TSHR: variants seen among roughly 807,000 people sequenced by gnomAD.
The protein encoded by TSHR is thyroid stimulating hormone receptor.
A neutral mutation model predicts 64.1 loss-of-function variants in TSHR; 51 were observed. The ratio of observed to expected loss-of-function variants is 0.80; its 90% CI spans 0.64 to 1.01. The LOEUF (loss-of-function observed/expected upper bound fraction) is 1.01. Ranked by LOEUF, TSHR falls within the 50% of genes least tolerant of loss-of-function variation. The pLI is 0.00. For missense variants in TSHR, 877 were observed against 942.8 expected, an observed-to-expected ratio of 0.93 and a Z score of 0.91; for synonymous variants, 361 against 361.9, an observed-to-expected ratio of 1.00 and a Z score of 0.03.
chr14:81,103,651 C>T lies in TSHR; in HGVS notation c.615-4724C>T, dbSNP rs1425108614. The T allele has an allele frequency of 1.0e-6, 1 of 985,332 alleles. No individual in the cohort carries two copies. Among genetic ancestry groups the T allele is most frequent in the East Asian group, 1.1e-4 (1 of 8,828 alleles). The allele number at this position is 985,332 out of a possible 1,614,324, so 61.0% of individuals were successfully genotyped here. On this transcript the variant is annotated intron_variant, in intron 7 of 9. Transcript: ENST00000298171. This position sits in a 1 kb window ranked among gnomAD's most constrained non-coding sequence, Gnocchi z 4.1. Reference sequence around the variant, plus strand: ...TATGGCGCCAAGAATGTTGTCATCACTCAGAGGTGAAATTAATAATAATAC... The same window carrying T: ...TATGGCGCCAAGAATGTTGTCATCATTCAGAGGTGAAATTAATAATAATAC...
At chr14:81,142,253 G>T (rs1045057769) in intron 9 of TSHR, among the ~76,000 whole-genome samples, 1 of 152,118 alleles carries the variant, frequency 6.6e-6, no homozygotes, top group Non-Finnish European at 1.5e-5. Flanking sequence ...GCTAATTTTT[G>T]GATTTTCAGT....
chr14:81,041,001 A>C, intron 1 of TSHR, among the ~76,000 whole-genome samples: 1 of 152,306 alleles, frequency 6.6e-6, no homozygotes, highest in East Asian at 1.9e-4. Context: ...ATTATTAAAA[A>C]GTAAAAAAAT....
intron 1 of TSHR, among the ~76,000 whole-genome samples, chr14:81,002,136 G>A (rs1889356639): frequency 2.0e-5 from 3 of 152,234 alleles, no homozygotes; most frequent in Middle Eastern, 3.4e-3. Flanking sequence ...TTGTTTTAAA[G>A]TACAGCCCCA....
chr14:81,037,424 C>CAAAAA (rs1884691823), intron 1 of TSHR, among the ~76,000 whole-genome samples: 1 of 114,234 alleles, frequency 8.8e-6, no homozygotes, highest in Non-Finnish European at 1.8e-5. Flanking sequence ...AAATACAAAA[C>CAAAAA]AAACAAACAA....
chr14:81,018,085 C>T (rs1198443385), intron 1 of TSHR, among the ~76,000 whole-genome samples: 2 of 152,110 alleles, frequency 1.3e-5, no homozygotes, highest in East Asian at 3.9e-4. Flanking sequence ...CCTACCTCGG[C>T]ATCCCAAAGT....
intron 1 of TSHR, among the ~76,000 whole-genome samples, chr14:81,005,197 T>TTGTGTGTGTGTGTGTGTGTG (rs71103894): frequency 6.7e-6 from 1 of 149,790 alleles, no homozygotes; most frequent in Non-Finnish European, 1.5e-5. Context: ...ACTCAAGCCT[T>TTGTGTGTGTGTGTGTGTGTG]TGTGTGTGTG....
intron 1 of TSHR, chr14:81,051,449 C>T (rs979496551): frequency 2.0e-5 from 3 of 152,088 alleles, no homozygotes; most frequent in African/African-American, 7.2e-5. Flanking sequence ...AGAATGATGA[C>T]TCTTTTCCAG....
chr14:81,016,016 A>G (rs1890166023), intron 1 of TSHR, among the ~76,000 whole-genome samples: 1 of 152,194 alleles, frequency 6.6e-6, no homozygotes, highest in Non-Finnish European at 1.5e-5. Flanking sequence ...AAAAAAATCC[A>G]TTCATGTGTA....
intron 5 of TSHR, among the ~76,000 whole-genome samples, chr14:81,091,480 G>A (rs1888732140): frequency 6.6e-6 from 1 of 152,198 alleles, no homozygotes. Flanking sequence ...AAATAGCTCA[G>A]TAATTGCAAG....
At chr14:80,980,301 C>T (rs1000379095) in intron 1 of TSHR, among the ~76,000 whole-genome samples, 6 of 152,112 alleles carry the variant, frequency 3.9e-5, no homozygotes, top group African/African-American at 1.4e-4. Context: ...AATAGCAACA[C>T]AGATAACTAT....
chr14:81,091,221 G>C, intron 5 of TSHR, 78 bp downstream of exon 5: 1 of 1,295,764 alleles, frequency 7.7e-7, no homozygotes, highest in South Asian at 1.2e-5. Flanking sequence ...ATGAGGGTAG[G>C]TTGAAGATAA....
intron 9 of TSHR, among the ~76,000 whole-genome samples, chr14:81,140,263 T>C (rs1891632117): frequency 6.6e-6 from 1 of 152,112 alleles, no homozygotes; most frequent in South Asian, 2.1e-4. Flanking sequence ...ACACAAACAG[T>C]TGGGTTACCT....
chr14:81,014,626 G>C (rs1418198474), intron 1 of TSHR, among the ~76,000 whole-genome samples: 1 of 152,128 alleles, frequency 6.6e-6, no homozygotes, highest in Non-Finnish European at 1.5e-5. Context: ...TGCCTTGTTT[G>C]CCACAATTTC....
intron 1 of TSHR, among the ~76,000 whole-genome samples, chr14:80,965,505 T>C (rs1387631521): frequency 6.6e-6 from 1 of 152,180 alleles, no homozygotes; most frequent in African/African-American, 2.4e-5. Flanking sequence ...AAGTCAATAG[T>C]TGACAGATTT....
chr14:81,078,270 T>G (rs1177588997), intron 3 of TSHR, among the ~76,000 whole-genome samples: 1 of 152,186 alleles, frequency 6.6e-6, no homozygotes, highest in East Asian at 1.9e-4. Flanking sequence ...ACCTTAATAT[T>G]TGAAAAACAC....
intron 8 of TSHR, among the ~76,000 whole-genome samples, chr14:81,111,894 T>C (rs10146811): frequency 0.58 from 88,100 of 152,094 alleles, 26,440 homozygotes; most frequent in Middle Eastern, 0.71. Context: ...GCAATCATAT[T>C]TTAAAGATAT....
At chr14:81,044,475 G>A (rs902565039) in intron 1 of TSHR, among the ~76,000 whole-genome samples, 10 of 152,080 alleles carry the variant, frequency 6.6e-5, no homozygotes, top group African/African-American at 2.2e-4. Flanking sequence ...TGGCTAACAC[G>A]GTGAAACCCC....
At chr14:81,061,178 C>G (rs886568094) in intron 1 of TSHR, among the ~76,000 whole-genome samples, 2 of 152,056 alleles carry the variant, frequency 1.3e-5, no homozygotes, top group African/African-American at 4.8e-5. Context: ...AGGTAGTAAC[C>G]ATGCTACTAT....
At chr14:81,101,224 A>G (rs1407479951) in intron 7 of TSHR, among the ~76,000 whole-genome samples, 2 of 152,194 alleles carry the variant, frequency 1.3e-5, no homozygotes, top group African/African-American at 4.8e-5. Context: ...CTTGGGAAGC[A>G]GGTAAATTTA....
Sources: gnomAD v4.1 joint callset for allele counts (sites outside exome capture counted in the v4.1 genomes callset) on GRCh38, gnomAD v4.1.1 for gene constraint, Gnocchi (gnomAD v3.1) non-coding constraint, MANE v1.5 for transcripts, NCBI Gene and HGNC (gene_info 2026-07-23, HGNC 2026-07-21) for gene names.